Variants in MARK4 observed in about 807,000 individuals in gnomAD.
The protein encoded by MARK4 is microtubule affinity regulating kinase 4.
MARK4 carries 19 observed loss-of-function variants against 81.5 expected under a neutral mutation model. The observed-to-expected ratio is 0.23, with a 90% CI of 0.16 to 0.34. The LOEUF is 0.34. Ranked by LOEUF, MARK4 falls within the 10% of genes least tolerant of loss-of-function variation. The pLI, the probability that MARK4 is intolerant of heterozygous loss-of-function variation, is 1.00. For missense variants in MARK4, 772 were observed against 1,058.8 expected (o/e 0.73, Z 3.76); for synonymous variants, 436 against 439.0 (o/e 0.99, Z 0.08).
chr19:45,295,369 A>AT (rs1040016096), intron 14 of MARK4, among the ~76,000 whole-genome samples: 12 of 151,610 alleles, frequency 7.9e-5, no homozygotes, highest in African/African-American at 2.9e-4. Flanking sequence ...AAAAAAAAAA[A>AT]GTCACGATTC....
chr19:45,252,697 C>T (rs1970259679), intron 1 of MARK4, among the ~76,000 whole-genome samples: 1 of 152,282 alleles, frequency 6.6e-6, no homozygotes, highest in Admixed American at 6.5e-5. Flanking sequence ...TGAAGCCTCT[C>T]GTCTTGCCCT....
chr19:45,262,923 C>G, intron 2 of MARK4, 190 bp from the exon 3 acceptor site: 2 of 597,190 alleles, frequency 3.3e-6, no homozygotes, highest in Non-Finnish European at 5.9e-6. Flanking sequence ...TGCTACCACA[C>G]CTGGCTAATT....
At chr19:45,294,573 A>G (rs1970862383) in intron 14 of MARK4, 121 bp downstream of exon 14, 1 of 833,582 alleles carries the variant, frequency 1.2e-6, no homozygotes, top group Non-Finnish European at 1.9e-6. Context: ...GAGTGAGTGT[A>G]TCTGCCCTGC....
chr19:45,271,760 C>T lies in MARK4; in HGVS notation c.786+52C>T, dbSNP rs766092953. ...CATCAGCCCCTCCCCACAGTCAGGC[C>T]CCTATCCCCCCCACACCTCCCCTGC... On this transcript the variant is annotated intron_variant, in intron 8 of 16. Transcript: ENST00000262891. This position sits in a 1 kb window ranked among gnomAD's most constrained non-coding sequence, Gnocchi z 4.1. 6 of 1,521,306 alleles carry T rather than the reference C, an allele frequency of 3.9e-6. No homozygotes were observed. The highest frequency in any genetic ancestry group is 3.6e-4 in the Middle Eastern group (2 of 5,502). 94.2% of individuals were successfully genotyped at this position (1,521,306 alleles called of 1,614,324 possible).
rs756870679 is a variant in MARK4, at chr19:45,271,543, G to A, written c.621G>A (p.Thr207=). Residue 207 remains threonine (T), a synonymous_variant, in exon 8 of 17, where the codon ACG becomes ACA. Coordinates refer to ENST00000262891, the MANE Select transcript of MARK4 (RefSeq NM_001199867.2). The surrounding 1 kb of genome is among the most constrained non-coding windows in gnomAD (Gnocchi z 4.1). The stretch of plus-strand genomic sequence containing the variant: ...ACTTTGGCTTCAGCAACGAGTTCAC[G>A]CTGGGATCGAAGCTGGACACGTTCT... ...IADFGFSNEF[T]LGSKLDTFCG... 14 of 1,614,120 alleles carry A rather than the reference G, an allele frequency of 8.7e-6. No homozygotes were observed. Among genetic ancestry groups the A allele is most frequent in the Non-Finnish European group, 1.1e-5 (13 of 1,180,052 alleles).
Position 45,280,355 on chromosome 19 carries a change from C to G in MARK4, c.1007-19C>G. On this transcript the variant is annotated intron_variant, in intron 10 of 16. Coordinates refer to ENST00000262891, the MANE Select transcript of MARK4 (RefSeq NM_001199867.2). The stretch of plus-strand genomic sequence containing the variant: ...AAGTTTCTGGGAGTCTGAAACTTCT[C>G]TCCATCCCCCCCTCCCAGAGGTGAT... 1 of 1,604,756 alleles carries G rather than the reference C, an allele frequency of 6.2e-7. No homozygotes were observed. The highest frequency in any genetic ancestry group is 2.2e-5 in the East Asian group (1 of 44,854).
intron 8 of MARK4, among the ~76,000 whole-genome samples, chr19:45,275,683 T>C (rs73036569): frequency 0.033 from 5,052 of 152,272 alleles, 107 homozygotes; most frequent in African/African-American, 0.043. Context: ...GAGCCAAGGC[T>C]CTGCCACTTT....
chr19:45,271,404 G>A lies in MARK4; in HGVS notation c.550-68G>A. 1 of 1,495,944 alleles carries A rather than the reference G, an allele frequency of 6.7e-7. No homozygotes were observed. The highest frequency in any genetic ancestry group is 1.2e-5 in the South Asian group (1 of 81,908). 92.7% of individuals were successfully genotyped at this position (1,495,944 alleles called of 1,614,324 possible). A position where few individuals can be genotyped will look rare whatever the true frequency, so the allele number is the denominator to read the frequency against. ...AGCCCTAGAGCCTGTGCTCCTGTCT[G>A]CCTCCCACGTCCATGAAAGGCTTTG... On this transcript the variant is annotated intron_variant, in intron 7 of 16. Coordinates refer to ENST00000262891, the MANE Select transcript of MARK4 (RefSeq NM_001199867.2). The surrounding 1 kb of genome is among the most constrained non-coding windows in gnomAD (Gnocchi z 4.1).
chr19:45,294,220 C>T (rs1970855867), intron 13 of MARK4, 129 bp from the exon 14 acceptor site: 1 of 790,614 alleles, frequency 1.3e-6, no homozygotes, highest in South Asian at 1.6e-5. Flanking sequence ...TCACCATCTC[C>T]TACTCACCCT....
intron 1 of MARK4, 177 bp from the exon 2 acceptor site, chr19:45,258,812 T>TTTTGTTCCTGGAGGCGTC: frequency 1.5e-6 from 1 of 645,988 alleles, no homozygotes; most frequent in Non-Finnish European, 2.6e-6. Flanking sequence ...ACATGGGGGC[T>TTTTGTTCCTGGAGGCGTC]TTTGTTCCTG....
Position 45,259,072 on chromosome 19 carries a change from C to T in MARK4, c.135C>T (p.Ser45=). ...CACTGGGTGCCCGTTGCCGGAACTCCATCGCCTCCTGTCCCGAGGAGCAGC... is the reference window on the plus strand; with the variant it reads ...CACTGGGTGCCCGTTGCCGGAACTCTATCGCCTCCTGTCCCGAGGAGCAGC... The part of the protein sequence containing the change: ...SRSLGARCRN[S]IASCPEEQPH... The change falls in exon 2 of 17, where the codon TCC becomes TCT. Residue 45 remains serine (S), a synonymous_variant. Coordinates refer to ENST00000262891, the MANE Select transcript of MARK4 (RefSeq NM_001199867.2). 6.2e-7 allele frequency: 1 copy of T among 1,614,090 alleles called. No individual in the cohort carries two copies. Among genetic ancestry groups the T allele is most frequent in the Admixed American group, 1.7e-5 (1 of 60,016 alleles).
At chr19:45,294,489 G>GT in intron 14 of MARK4, 37 bp downstream of exon 14, 1 of 1,569,088 alleles carries the variant, frequency 6.4e-7, no homozygotes, top group Non-Finnish European at 8.8e-7. Flanking sequence ...GGGGTGGGAA[G>GT]TAGGGGGTAG....
intron 9 of MARK4, 151 bp downstream of exon 9, chr19:45,278,193 C>G: frequency 8.5e-7 from 1 of 1,179,472 alleles, no homozygotes; most frequent in Non-Finnish European, 1.2e-6. Flanking sequence ...GTAGACAGGC[C>G]GTCCAGGGAA....
intron 6 of MARK4, 104 bp from the exon 7 acceptor site, chr19:45,266,121 C>A: frequency 8.7e-7 from 1 of 1,153,836 alleles, no homozygotes; most frequent in Non-Finnish European, 1.3e-6. Flanking sequence ...TCAGGCTGTG[C>A]CTTGGGGAGG....
intron 13 of MARK4, among the ~76,000 whole-genome samples, chr19:45,291,436 A>C (rs1257357531): frequency 6.6e-6 from 1 of 152,218 alleles, no homozygotes; most frequent in African/African-American, 2.4e-5. Flanking sequence ...ACTTGAGGTC[A>C]GGAGTTCAAG....
chr19:45,300,276 CAG>C (rs1568505218), intron 16 of MARK4, among the ~76,000 whole-genome samples: 2 of 130,484 alleles, frequency 1.5e-5, no homozygotes, highest in Non-Finnish European at 3.1e-5. Context: ...ACCCGGGAGG[CAG>C]AGGTTGCGGT....
At chr19:45,276,871 G>A (rs1244682354) in intron 8 of MARK4, among the ~76,000 whole-genome samples, 1 of 151,550 alleles carries the variant, frequency 6.6e-6, no homozygotes, top group African/African-American at 2.4e-5. Context: ...CTGACCTCAG[G>A]CGATCTGCCT....
chr19:45,295,144 T>G (rs1970869929), intron 14 of MARK4, among the ~76,000 whole-genome samples: 1 of 149,284 alleles, frequency 6.7e-6, no homozygotes, highest in Admixed American at 6.7e-5. Flanking sequence ...AGTCAGGAGA[T>G]CGAGACCATC....
intron 12 of MARK4, among the ~76,000 whole-genome samples, chr19:45,284,628 C>T (rs550771574): frequency 1.2e-3 from 179 of 152,164 alleles, no homozygotes; most frequent in African/African-American, 4.0e-3. Context: ...GCGCCTGGCC[C>T]GCTCCTAGAT....
Sources: allele counts gnomAD v4.1 joint callset (sites outside exome capture counted in the v4.1 genomes callset), GRCh38; gene constraint gnomAD v4.1.1; non-coding constraint Gnocchi (gnomAD v3.1); transcripts MANE v1.5; gene names NCBI Gene and HGNC (gene_info 2026-07-23, HGNC 2026-07-21).